Variants in PLA2R1 observed in about 807,000 individuals in gnomAD.
The protein encoded by PLA2R1 is secretory phospholipase A2 receptor.
In PLA2R1, 158 loss-of-function variants were observed where a neutral mutation model predicts 195.9. The ratio of observed to expected loss-of-function variants is 0.81; its 90% CI spans 0.71 to 0.92. PLA2R1 has a LOEUF of 0.92. PLA2R1 is among the 40% of genes least tolerant of loss of function. The probability of loss-of-function intolerance (pLI) is 0.00; values close to 1 mark genes in which losing one functional copy is unlikely to be tolerated. For synonymous variants in PLA2R1, 586 were observed against 598.2 expected (o/e 0.98, Z 0.30); for missense variants, 1,626 against 1,764.6 (o/e 0.92, Z 1.41).
chr2:159,997,026 A>G (rs769875619), intron 11 of PLA2R1, among the ~76,000 whole-genome samples: 2 of 152,128 alleles, frequency 1.3e-5, no homozygotes, highest in Non-Finnish European at 2.9e-5. Flanking sequence ...GTCATAGCTG[A>G]CTGGCTCTGA....
At position 159,971,503 on chromosome 2, in the gene PLA2R1, CAT is replaced by C. The variant is rs1689186107; in HGVS notation, c.2596-1293_2596-1292del. Among the ~76,000 whole-genome samples, 6 of 74,400 alleles carry C rather than the reference CAT, an allele frequency of 8.1e-5. No individual in the cohort carries two copies. In the South Asian group the frequency reaches 1.9e-3, roughly 24 times the overall value. The allele number at this position is 74,400 out of a possible 152,430, so 48.8% of individuals were successfully genotyped here. A position where few individuals can be genotyped will look rare whatever the true frequency, so the allele number is the denominator to read the frequency against. On this transcript the variant is annotated intron_variant, in intron 17 of 29. Coordinates refer to ENST00000283243, the MANE Select transcript of PLA2R1 (RefSeq NM_007366.5). ...ACACACACACATACACACACACACA[CAT>C]TAGGGCAGATGTACTGACTTATGAC...
intron 11 of PLA2R1, among the ~76,000 whole-genome samples, chr2:159,988,108 T>C (rs1261370851): frequency 1.3e-5 from 2 of 150,970 alleles, no homozygotes; most frequent in Non-Finnish European, 2.9e-5. Context: ...AATTTATAAA[T>C]TAAGATTCTT....
chr2:160,058,177 C>T (rs368007361), intron 1 of PLA2R1, among the ~76,000 whole-genome samples: 1 of 152,202 alleles, frequency 6.6e-6, no homozygotes, highest in South Asian at 2.1e-4. Context: ...ATGAACCCAA[C>T]TAAAACAGGT....
At chr2:159,956,459 T>G in intron 21 of PLA2R1, 51 bp downstream of exon 21, 2 of 907,952 alleles carry the variant, frequency 2.2e-6, no homozygotes. Flanking sequence ...TTTTAATAAA[T>G]ACTTGAATAA....
chr2:159,973,145 C>A (rs1689296881), intron 17 of PLA2R1, among the ~76,000 whole-genome samples: 1 of 152,136 alleles, frequency 6.6e-6, no homozygotes, highest in Admixed American at 6.6e-5. Flanking sequence ...CACCTCTACA[C>A]ATCTTGCTCC....
chr2:160,044,755 T>C lies in PLA2R1; in HGVS notation c.493+19A>G. On this transcript the variant is annotated intron_variant, in intron 2 of 29. Transcript: ENST00000283243. ...TAAAAAAACACCATTCCCTGAGTGC[T>C]TCTTTAAATTATTTTTACCTTTGTG... 1 of 1,594,292 alleles carries C rather than the reference T, an allele frequency of 6.3e-7. No homozygotes were observed. The highest frequency in any genetic ancestry group is 1.1e-5 in the South Asian group (1 of 89,666).
Position 159,937,722 on chromosome 2 carries a change from C to T in PLA2R1, c.*4056G>A, listed in dbSNP as rs1404436834. On this transcript the variant is annotated 3_prime_UTR_variant, in exon 30 of 30. Coordinates refer to ENST00000283243, the MANE Select transcript of PLA2R1 (RefSeq NM_007366.5). ...TTTTCAAATGAAAGTAGCACTCCAGCTGTTCCACTGTATAATACATATTAA... is the reference window on the plus strand; with the variant it reads ...TTTTCAAATGAAAGTAGCACTCCAGTTGTTCCACTGTATAATACATATTAA... 6.6e-6 allele frequency: 1 copy of T among 152,206 alleles called. No individual in the cohort carries two copies. The highest frequency in any genetic ancestry group is 1.9e-4 in the East Asian group (1 of 5,206). The allele number at this position is 152,206 out of a possible 1,614,324, so 9.4% of individuals were successfully genotyped here. A position where few individuals can be genotyped will look rare whatever the true frequency, so the allele number is the denominator to read the frequency against.
In PLA2R1 at chr2:159,947,477, A is replaced by G. The variant is rs899173154; in HGVS notation, c.3792T>C (p.Phe1264=). The G allele has an allele frequency of 1.2e-6, 2 of 1,613,458 alleles. No individual in the cohort carries two copies. The highest frequency in any genetic ancestry group is 1.7e-5 in the Admixed American group (1 of 59,990). Residue 1264 remains phenylalanine (F), a synonymous_variant, in exon 26 of 30, where the codon TTT becomes TTC. Coordinates refer to ENST00000283243, the MANE Select transcript of PLA2R1 (RefSeq NM_007366.5). ...AACTCATACTGTCTAGGACTGTAGA[A>G]AAACTGTAGCAATTACTTTTAAATT... ...WIKFKSNCYS[F]STVLDSMSFE...
Position 160,042,238 on chromosome 2 carries a change from T to C in PLA2R1, c.494-40A>G, listed in dbSNP as rs750161458. On this transcript the variant is annotated intron_variant, in intron 2 of 29. Transcript: ENST00000283243. ...TGTACAAAGTCAGATAAGTATGATGTCAGCTTTATCTTTGGAAACTGCTAT... is the reference window on the plus strand; with the variant it reads ...TGTACAAAGTCAGATAAGTATGATGCCAGCTTTATCTTTGGAAACTGCTAT... The C allele has an allele frequency of 5.7e-6, 9 of 1,567,528 alleles. No individual in the cohort carries two copies. In the East Asian group the frequency reaches 1.8e-4, roughly 31 times the overall value.
chr2:159,954,313 C>G (rs946493863), intron 23 of PLA2R1, among the ~76,000 whole-genome samples: 2 of 151,846 alleles, frequency 1.3e-5, no homozygotes, highest in Non-Finnish European at 2.9e-5. Context: ...CCCTACAAGG[C>G]TCTGCTGTTC....
chr2:159,982,355 T>C (rs1456113705), intron 13 of PLA2R1, among the ~76,000 whole-genome samples: 1 of 152,138 alleles, frequency 6.6e-6, no homozygotes, highest in African/African-American at 2.4e-5. Flanking sequence ...AAGCTCTGTA[T>C]TAAAAGGTGT....
downstream of PLA2R1, among the ~76,000 whole-genome samples, chr2:159,930,976 C>A (rs945646382): frequency 1.3e-5 from 2 of 152,182 alleles, no homozygotes; most frequent in Non-Finnish European, 2.9e-5. Context: ...ATGCTCAGAT[C>A]TATTCTGTGT....
At chr2:159,975,858 A>G (rs1689514412) in intron 17 of PLA2R1, among the ~76,000 whole-genome samples, 1 of 152,186 alleles carries the variant, frequency 6.6e-6, no homozygotes, top group Non-Finnish European at 1.5e-5. Flanking sequence ...ACTGAGCAAT[A>G]CAGTAAACCT....
chr2:159,977,289 G>C lies in PLA2R1; in HGVS notation c.2396C>G (p.Pro799Arg). 6.2e-7 allele frequency: 1 copy of C among 1,609,174 alleles called. No homozygotes were observed. The highest frequency in any genetic ancestry group is 8.5e-7 in the Non-Finnish European group (1 of 1,176,250). The part of the protein sequence containing the change: ...GSKREWICKI[P>R]RDVKPKIPFW... ...GATCTTACTACTATTTTTACCTCTT[G>C]GGATTTTGCATATCCATTCACGTTT... Residue 799 changes from proline (P) to arginine (R), a missense_variant, in exon 15 of 30, where the codon CCA becomes CGA. By Grantham distance (103) the Pro-to-Arg change is moderately radical. Transcript: ENST00000283243.
At chr2:160,014,811 T>C (rs146676648) in intron 9 of PLA2R1, among the ~76,000 whole-genome samples, 1 of 152,290 alleles carries the variant, frequency 6.6e-6, no homozygotes, top group South Asian at 2.1e-4. Flanking sequence ...ATTCCCAATC[T>C]TCTCTCTGTG....
intron 6 of PLA2R1, 90 bp from the exon 7 acceptor site, chr2:160,022,949 A>G: frequency 2.3e-6 from 2 of 888,172 alleles, no homozygotes; most frequent in Non-Finnish European, 3.4e-6. Flanking sequence ...TAATATGATT[A>G]CTTTAAAAAT....
chr2:160,030,786 G>T (rs1375747172), intron 4 of PLA2R1, among the ~76,000 whole-genome samples: 2 of 152,142 alleles, frequency 1.3e-5, no homozygotes, highest in Non-Finnish European at 2.9e-5. Context: ...AAATACCTTG[G>T]TTGGAACAGG....
At position 160,026,495 on chromosome 2, in the gene PLA2R1, C is replaced by G. The variant is rs151013652; in HGVS notation, c.1099+1723G>C. 2.0e-5 allele frequency among the ~76,000 whole-genome samples: 3 copies of G among 152,238 alleles called. No homozygotes were observed. The East Asian group carries it at 5.8e-4, about 29-fold the overall frequency. ...CGATGTTGCTCTGGGCTGATATGGACTCCAGGTGGGGCTTTCAGGAACACA... is the reference window on the plus strand; with the variant it reads ...CGATGTTGCTCTGGGCTGATATGGAGTCCAGGTGGGGCTTTCAGGAACACA... On this transcript the variant is annotated intron_variant, in intron 6 of 29. Transcript: ENST00000283243.
intron 2 of PLA2R1, 121 bp downstream of exon 2, chr2:160,044,653 A>C (rs996973336): frequency 1.3e-6 from 1 of 791,104 alleles, no homozygotes; most frequent in African/African-American, 1.7e-5. Flanking sequence ...TGTATTTAGC[A>C]GAAGTCCCTT....
Sources: gnomAD v4.1 joint callset for allele counts (sites outside exome capture counted in the v4.1 genomes callset) on GRCh38, gnomAD v4.1.1 for gene constraint, MANE v1.5 for transcripts, NCBI Gene and HGNC (gene_info 2026-07-23, HGNC 2026-07-21) for gene names.